PLXNA2: variants seen among roughly 807,000 people sequenced by gnomAD.
The protein encoded by PLXNA2 is plexin-A2.
In PLXNA2, 91 loss-of-function variants were observed where a neutral mutation model predicts 193.5. The observed-to-expected ratio is 0.47, with a 90% CI of 0.40 to 0.56. The LOEUF is 0.56. Ranked by LOEUF, PLXNA2 falls within the 20% of genes least tolerant of loss-of-function variation. The pLI, the probability that PLXNA2 is intolerant of heterozygous loss-of-function variation, is 0.00. For synonymous variants in PLXNA2, 997 were observed against 1,027.3 expected (o/e 0.97, Z 0.56); for missense variants, 1,995 against 2,503.2 (o/e 0.80, Z 4.33).
intron 8 of PLXNA2, among the ~76,000 whole-genome samples, chr1:208,093,629 C>A (rs1035240616): frequency 2.0e-5 from 3 of 152,194 alleles, no homozygotes; most frequent in African/African-American, 7.2e-5. Context: ...ACAATTGGTT[C>A]ATATCATCTG....
In PLXNA2 at chr1:208,022,588, G is replaced by C. The variant is rs1040236630; in HGVS notation, c.*4655C>G. Reference sequence around the variant, plus strand: ...TGGGCTCCGGCCCCTAGTCTCATGGGATAGAGAGCTTGTCCCTTCTGCCCT... The same window carrying C: ...TGGGCTCCGGCCCCTAGTCTCATGGCATAGAGAGCTTGTCCCTTCTGCCCT... On this transcript the variant is annotated 3_prime_UTR_variant, in exon 32 of 32. Transcript: ENST00000367033. 12 of 152,630 alleles carry C rather than the reference G, an allele frequency of 7.9e-5. No homozygotes were observed. The highest frequency in any genetic ancestry group is 2.9e-4 in the African/African-American group (12 of 41,434). The allele number at this position is 152,630 out of a possible 1,614,324, so 9.5% of individuals were successfully genotyped here.
chr1:208,108,913 A>T (rs888581108), intron 4 of PLXNA2, among the ~76,000 whole-genome samples: 1 of 152,210 alleles, frequency 6.6e-6, no homozygotes, highest in African/African-American at 2.4e-5. Flanking sequence ...ATTTCTTTGC[A>T]ATCATGCAAG....
At position 208,096,871 on chromosome 1, in the gene PLXNA2, C is replaced by T. The variant is rs370152719; in HGVS notation, c.1744G>A (p.Val582Met). ...SEHSRLLSLV[V>M]SDAPDLSAGI... The stretch of plus-strand genomic sequence containing the variant: ...GCAGATAGATCAGGAGCATCACTCA[C>T]TACCAGGCTAAGCTGTGGGAGGAGC... The change falls in exon 7 of 32, where the codon GTG becomes ATG. Residue 582 changes from valine (V) to methionine (M), a missense_variant. Coordinates refer to ENST00000367033, the MANE Select transcript of PLXNA2 (RefSeq NM_025179.4). 7.4e-6 allele frequency: 12 copies of T among 1,613,516 alleles called. No homozygotes were observed. The highest frequency in any genetic ancestry group is 1.0e-5 in the Non-Finnish European group (12 of 1,179,934).
At chr1:208,161,737 C>T (rs781198908) in intron 3 of PLXNA2, among the ~76,000 whole-genome samples, 5 of 152,152 alleles carry the variant, frequency 3.3e-5, no homozygotes, top group Non-Finnish European at 5.9e-5. Context: ...TCCTGTTACT[C>T]TCAGAGATAA....
intron 14 of PLXNA2, among the ~76,000 whole-genome samples, chr1:208,053,411 C>T (rs1377626530): frequency 6.6e-6 from 1 of 152,190 alleles, no homozygotes; most frequent in African/African-American, 2.4e-5. Flanking sequence ...CAAATGCCCA[C>T]TGCCCCTGCC....
rs34413554 is a variant in PLXNA2 at position 208,209,983 on chromosome 1, A to AATTTTTTTTTTTTTTTTTTTTTTTTTTTT, written c.1371+296_1371+297insAAAAAAAAAAAAAAAAAAAAAAAAAAAAT. 2.0e-3 allele frequency: 180 copies of AATTTTTTTTTTTTTTTTTTTTTTTTTTTT among 87,952 alleles called. 58 individuals carry two copies. Among genetic ancestry groups the AATTTTTTTTTTTTTTTTTTTTTTTTTTTT allele is most frequent in the East Asian group, 9.8e-3 (24 of 2,456 alleles). The allele number at this position is 87,952 out of a possible 1,614,324, so 5.4% of individuals were successfully genotyped here. On this transcript the variant is annotated intron_variant, in intron 3 of 31. Coordinates refer to ENST00000367033, the MANE Select transcript of PLXNA2 (RefSeq NM_025179.4). ...TTGCTTGATTTGGGAATGAAGAGCA[A>AATTTTTTTTTTTTTTTTTTTTTTTTTTTT]TTTTTTTTTTTTTTTTTTTTTGCTT...
At chr1:208,220,239 G>A (rs1386917862) in intron 1 of PLXNA2, among the ~76,000 whole-genome samples, 3 of 152,094 alleles carry the variant, frequency 2.0e-5, no homozygotes, top group Admixed American at 6.5e-5. Context: ...AGTGGCTTTT[G>A]TTGTTGTTAG....
intron 1 of PLXNA2, among the ~76,000 whole-genome samples, chr1:208,240,313 C>T (rs989117250): frequency 1.3e-5 from 2 of 152,222 alleles, no homozygotes; most frequent in Non-Finnish European, 1.5e-5. Context: ...CGGGGATATC[C>T]TCTTCTTACC....
chr1:208,223,824 G>A (rs1019741593), intron 1 of PLXNA2, among the ~76,000 whole-genome samples: 2 of 152,196 alleles, frequency 1.3e-5, no homozygotes, highest in African/African-American at 4.8e-5. Context: ...AGGATCTGCA[G>A]AGCATCCTGC....
At chr1:208,159,448 T>C (rs760701118) in intron 3 of PLXNA2, among the ~76,000 whole-genome samples, 2 of 152,170 alleles carry the variant, frequency 1.3e-5, no homozygotes, top group Non-Finnish European at 2.9e-5. Context: ...AGTACCAGGC[T>C]CCAGGAAGAC....
chr1:208,235,644 G>A (rs993443924), intron 1 of PLXNA2, among the ~76,000 whole-genome samples: 1 of 152,192 alleles, frequency 6.6e-6, no homozygotes, highest in African/African-American at 2.4e-5. Context: ...TTTAGGAAGT[G>A]GGAAGGGCTA....
chr1:208,172,473 G>GC (rs1433123743), intron 3 of PLXNA2, among the ~76,000 whole-genome samples: 2 of 152,074 alleles, frequency 1.3e-5, no homozygotes, highest in African/African-American at 4.8e-5. Context: ...TGCTAGTTGT[G>GC]CCCACAGCAC....
At chr1:208,180,240 G>A (rs898846929) in intron 3 of PLXNA2, among the ~76,000 whole-genome samples, 11 of 151,954 alleles carry the variant, frequency 7.2e-5, no homozygotes, top group African/African-American at 2.4e-4. Flanking sequence ...AGTGGTAGGA[G>A]AGTAAAGGCC....
In PLXNA2 at chr1:208,080,257, A is replaced by C. The variant is rs1453387524; in HGVS notation, c.2396-807T>G. The stretch of plus-strand genomic sequence containing the variant: ...TGTTCCCAGCCCTTATGAATGGAGA[A>C]TATGTCCCCAGAGAGGGCAAACTGG... On this transcript the variant is annotated intron_variant, in intron 11 of 31. Coordinates refer to ENST00000367033, the MANE Select transcript of PLXNA2 (RefSeq NM_025179.4). 3.3e-5 allele frequency among the ~76,000 whole-genome samples: 5 copies of C among 152,304 alleles called. No homozygotes were observed. In the East Asian group the frequency reaches 9.6e-4, roughly 29 times the overall value.
At position 208,041,957 on chromosome 1, in the gene PLXNA2, G is replaced by A. The variant is rs559780606; in HGVS notation, c.4286+141C>T. ...AAGTCAGATTCTGCCCTGCAGAGAC[G>A]TGAGGACACAGGCTGCTCTGAATGG... On this transcript the variant is annotated intron_variant, in intron 22 of 31. Transcript: ENST00000367033. 1.8e-3 allele frequency: 1,540 copies of A among 865,080 alleles called. 3 individuals carry two copies. Among genetic ancestry groups the A allele is most frequent in the Middle Eastern group, 4.2e-3 (12 of 2,866 alleles). The allele number at this position is 865,080 out of a possible 1,614,324, so 53.6% of individuals were successfully genotyped here.
In PLXNA2 at chr1:208,022,312, T is replaced by C. The variant is rs1664205817; in HGVS notation, c.*4931A>G. 6.6e-6 allele frequency: 1 copy of C among 152,496 alleles called. No homozygotes were observed. The highest frequency in any genetic ancestry group is 2.4e-5 in the African/African-American group (1 of 41,384). The allele number at this position is 152,496 out of a possible 1,614,324, so 9.4% of individuals were successfully genotyped here. A position where few individuals can be genotyped will look rare whatever the true frequency, so the allele number is the denominator to read the frequency against. On this transcript the variant is annotated 3_prime_UTR_variant, in exon 32 of 32. Coordinates refer to ENST00000367033, the MANE Select transcript of PLXNA2 (RefSeq NM_025179.4). The stretch of plus-strand genomic sequence containing the variant: ...ATATATAACAACAGTACAAATTGTG[T>C]CCTCAGCTTGCAAAATAGGAGTGTT...
chr1:208,033,322 G>T lies in PLXNA2; in HGVS notation c.5052C>A (p.Thr1684=), dbSNP rs1664563725. The change falls in exon 28 of 32, where the codon ACC becomes ACA. Residue 1684 remains threonine (T), a synonymous_variant. Transcript: ENST00000367033. ...GTCTGGGCAGAGGGGGAGTTACCTT[G>T]GTGGCCAGTAGCCGGGTCAGGTAGA... ...SEIYLTRLLA[T]KGTLQKFVDD... 2 of 1,611,850 alleles carry T rather than the reference G, an allele frequency of 1.2e-6. No individual in the cohort carries two copies.
intron 9 of PLXNA2, among the ~76,000 whole-genome samples, chr1:208,089,054 C>T (rs1241513216): frequency 6.6e-6 from 1 of 152,136 alleles, no homozygotes; most frequent in African/African-American, 2.4e-5. Context: ...ATAATAAGTA[C>T]TAATATTTTT....
At chr1:208,223,236 T>TG (rs1671400739) in intron 1 of PLXNA2, among the ~76,000 whole-genome samples, 1 of 151,672 alleles carries the variant, frequency 6.6e-6, no homozygotes, top group Non-Finnish European at 1.5e-5. Context: ...CCACTGTTTT[T>TG]TTTTTTTTTT....
Sources: allele counts gnomAD v4.1 joint callset (sites outside exome capture counted in the v4.1 genomes callset), GRCh38; gene constraint gnomAD v4.1.1; transcripts MANE v1.5; gene names NCBI Gene and HGNC (gene_info 2026-07-23, HGNC 2026-07-21).